The following ZFYVE9 variants were observed in gnomAD, a reference collection of about 807,000 sequenced individuals.
ZFYVE9 encodes zinc finger FYVE-type containing 9.
ZFYVE9 carries 43 observed loss-of-function variants against 126.7 expected under a neutral mutation model. That is an observed-to-expected ratio of 0.34 (90% CI 0.27 to 0.44). The LOEUF (loss-of-function observed/expected upper bound fraction) is 0.44. ZFYVE9 is among the 20% of genes least tolerant of loss of function. The pLI is 1.00. For missense variants in ZFYVE9, 1,476 were observed against 1,697.0 expected (o/e 0.87, Z 2.29); for synonymous variants, 521 against 597.4 (o/e 0.87, Z 1.87).
chr1:52,239,151 T>C lies in ZFYVE9; in HGVS notation c.1734T>C (p.Gly578=), dbSNP rs1645308213. Reference sequence around the variant, plus strand: ...CATCTATCAGTGTTCCTTTTGGTGGTGCAAGACCCAAGCAACCTTCTAATC... The same window carrying C: ...CATCTATCAGTGTTCCTTTTGGTGGCGCAAGACCCAAGCAACCTTCTAATC... The part of the protein sequence containing the change: ...SLPSISVPFG[G]ARPKQPSNLK... The change falls in exon 4 of 19, where the codon GGT becomes GGC. Residue 578 remains glycine (G), a synonymous_variant. Transcript: ENST00000287727. The C allele has an allele frequency of 6.2e-7, 1 of 1,614,014 alleles. No individual in the cohort carries two copies. The highest frequency in any genetic ancestry group is 1.3e-5 in the African/African-American group (1 of 74,916).
chr1:52,188,868 G>T (rs1222097274), intron 1 of ZFYVE9, among the ~76,000 whole-genome samples: 1 of 152,002 alleles, frequency 6.6e-6, no homozygotes, highest in Non-Finnish European at 1.5e-5. Context: ...GTTTTCAGTT[G>T]TGAATTACTT....
chr1:52,198,977 T>A (rs1173150464), intron 1 of ZFYVE9, among the ~76,000 whole-genome samples: 1 of 152,210 alleles, frequency 6.6e-6, no homozygotes, highest in Non-Finnish European at 1.5e-5. Context: ...TTGTCATTTA[T>A]CATAATGATA....
At chr1:52,174,253 T>C (rs375251614) in intron 1 of ZFYVE9, among the ~76,000 whole-genome samples, 8 of 151,406 alleles carry the variant, frequency 5.3e-5, no homozygotes, top group Admixed American at 2.6e-4. Context: ...GCCTTCATTT[T>C]GTTATGTACC....
chr1:52,191,130 G>C (rs1644813006), intron 1 of ZFYVE9, among the ~76,000 whole-genome samples: 1 of 152,112 alleles, frequency 6.6e-6, no homozygotes. Flanking sequence ...TGTAGAGTCA[G>C]GGTTTCACCA....
chr1:52,336,498 A>C (rs572811542), intron 15 of ZFYVE9, among the ~76,000 whole-genome samples: 1 of 151,276 alleles, frequency 6.6e-6, no homozygotes, highest in South Asian at 2.1e-4. Flanking sequence ...CTGAAATTAC[A>C]GTTGTGCGCC....
intron 4 of ZFYVE9, among the ~76,000 whole-genome samples, chr1:52,255,794 G>A (rs572243348): frequency 2.0e-5 from 3 of 151,998 alleles, no homozygotes; most frequent in African/African-American, 7.2e-5. Context: ...TTGGGAGGTC[G>A]CAGTGAGCCG....
chr1:52,191,002 C>T (rs1294494161), intron 1 of ZFYVE9, among the ~76,000 whole-genome samples: 4 of 152,134 alleles, frequency 2.6e-5, no homozygotes, highest in African/African-American at 9.7e-5. Context: ...ATGATCCCAG[C>T]TCACTGCAGC....
chr1:52,332,715 C>G, intron 13 of ZFYVE9, 53 bp from the exon 14 acceptor site: 1 of 1,585,658 alleles, frequency 6.3e-7, no homozygotes, highest in African/African-American at 1.3e-5. Flanking sequence ...TGCACCATGT[C>G]AGACAGAAAA....
At chr1:52,297,621 T>G (rs1213650162) in intron 12 of ZFYVE9, among the ~76,000 whole-genome samples, 1 of 152,190 alleles carries the variant, frequency 6.6e-6, no homozygotes, top group African/African-American at 2.4e-5. Flanking sequence ...ATACAGCTTT[T>G]CGGTTGCTTT....
chr1:52,207,245 A>C (rs1269240160), intron 1 of ZFYVE9, among the ~76,000 whole-genome samples: 1 of 152,222 alleles, frequency 6.6e-6, no homozygotes. Context: ...AGAATTAAGC[A>C]TGCTCCTTCT....
chr1:52,267,166 A>G (rs1392541757), intron 6 of ZFYVE9, among the ~76,000 whole-genome samples: 1 of 152,194 alleles, frequency 6.6e-6, no homozygotes, highest in Non-Finnish European at 1.5e-5. Context: ...TGCCTGTCTT[A>G]ATGTTCTTTG....
chr1:52,181,293 C>G (rs572901541), intron 1 of ZFYVE9, among the ~76,000 whole-genome samples: 53 of 152,324 alleles, frequency 3.5e-4, no homozygotes, highest in Admixed American at 5.9e-4. Flanking sequence ...CTGGGTTGGC[C>G]GGGCTGGTCT....
Position 52,158,209 on chromosome 1 carries a change from A to G in ZFYVE9, c.-143+15806A>G, listed in dbSNP as rs570612658. On this transcript the variant is annotated intron_variant, in intron 1 of 18. Coordinates refer to ENST00000287727, the MANE Select transcript of ZFYVE9 (RefSeq NM_004799.4). Reference sequence around the variant, plus strand: ...TCAGTCTAATGTTCCTGCTTGCTTAAGCACCTTGAAAATCTAGCACTGTGG... The same window carrying G: ...TCAGTCTAATGTTCCTGCTTGCTTAGGCACCTTGAAAATCTAGCACTGTGG... Among the ~76,000 whole-genome samples, 14 of 152,318 alleles carry G rather than the reference A, an allele frequency of 9.2e-5. No individual in the cohort carries two copies. The South Asian group carries it at 2.9e-3, about 32-fold the overall frequency.
chr1:52,293,062 G>A (rs1034245109), intron 10 of ZFYVE9, among the ~76,000 whole-genome samples: 4 of 152,084 alleles, frequency 2.6e-5, no homozygotes, highest in Admixed American at 1.3e-4. Flanking sequence ...ATCCAGCCCA[G>A]AGTTGCATAA....
chr1:52,318,189 A>G (rs1371801282), intron 13 of ZFYVE9, among the ~76,000 whole-genome samples: 1 of 152,170 alleles, frequency 6.6e-6, no homozygotes, highest in Non-Finnish European at 1.5e-5. Flanking sequence ...TAAAATAATA[A>G]TGTATATTAT....
At chr1:52,172,404 C>G (rs1242959416) in intron 1 of ZFYVE9, among the ~76,000 whole-genome samples, 3 of 152,144 alleles carry the variant, frequency 2.0e-5, no homozygotes, top group Non-Finnish European at 4.4e-5. Flanking sequence ...GTTACTGTAG[C>G]CTTGTAGTAT....
At chr1:52,274,245 C>T (rs184443837) in intron 7 of ZFYVE9, among the ~76,000 whole-genome samples, 1 of 151,960 alleles carries the variant, frequency 6.6e-6, no homozygotes, top group African/African-American at 2.4e-5. Context: ...TTTGATGATA[C>T]CAAAAGGAGA....
intron 8 of ZFYVE9, among the ~76,000 whole-genome samples, chr1:52,276,770 TGTTCTAATAGTG>T (rs1216851845): frequency 2.0e-5 from 3 of 152,258 alleles, no homozygotes; most frequent in Non-Finnish European, 4.4e-5. Context: ...TCATTATCTC[TGTTCTAATAGTG>T]GTTCCTATAG....
At chr1:52,308,123 GTTAAA>G in intron 13 of ZFYVE9, among the ~76,000 whole-genome samples, 1 of 152,122 alleles carries the variant, frequency 6.6e-6, no homozygotes, top group Non-Finnish European at 1.5e-5. Flanking sequence ...ATCTCATACA[GTTAAA>G]TTGTGTTGTG....
Sources: allele counts gnomAD v4.1 joint callset (sites outside exome capture counted in the v4.1 genomes callset), GRCh38; gene constraint gnomAD v4.1.1; transcripts MANE v1.5; gene names NCBI Gene and HGNC (gene_info 2026-07-23, HGNC 2026-07-21).